The following EPB41L2 variants were observed in gnomAD, a reference collection of about 807,000 sequenced individuals.
EPB41L2 encodes band 4.1-like protein 2.
In EPB41L2, 43 loss-of-function variants were observed where a neutral mutation model predicts 113.0. The observed-to-expected ratio is 0.38, with a 90% CI of 0.30 to 0.49. The LOEUF is 0.49. Ranked by LOEUF, EPB41L2 falls within the 20% of genes least tolerant of loss-of-function variation. EPB41L2 has a pLI of 0.95. For missense variants in EPB41L2, 1,147 were observed against 1,223.4 expected (o/e 0.94, Z 0.93); for synonymous variants, 442 against 436.7 (o/e 1.01, Z -0.15).
At chr6:131,011,086 C>G (rs1362417981) in intron 1 of EPB41L2, among the ~76,000 whole-genome samples, 1 of 152,190 alleles carries the variant, frequency 6.6e-6, no homozygotes, top group African/African-American at 2.4e-5. Context: ...TTCATTCACT[C>G]AAAATTTAGC....
rs913076422 is a variant in EPB41L2, at chr6:130,880,502, A to G, written c.1834-296T>C. The G allele has an allele frequency of 1.2e-5, 8 of 643,354 alleles. No individual in the cohort carries two copies. The African/African-American group carries it at 1.3e-4, about 10-fold the overall frequency. The allele number at this position is 643,354 out of a possible 1,614,324, so 39.9% of individuals were successfully genotyped here. On this transcript the variant is annotated intron_variant, in intron 12 of 19. Coordinates refer to ENST00000337057, the MANE Select transcript of EPB41L2 (RefSeq NM_001431.4). The stretch of plus-strand genomic sequence containing the variant: ...CTTCCATCTTCGCCTGAAAAGTCAC[A>G]CAGCAAACGGCCAGAAAGAAGGGGA...
At chr6:130,857,616 T>C (rs911407339) in intron 19 of EPB41L2, among the ~76,000 whole-genome samples, 13 of 133,004 alleles carry the variant, frequency 9.8e-5, no homozygotes, top group African/African-American at 3.4e-4. Context: ...TAGAGTTCAG[T>C]GGCGCAATGT....
At chr6:130,922,710 C>G (rs545234738) in intron 4 of EPB41L2, among the ~76,000 whole-genome samples, 4 of 152,240 alleles carry the variant, frequency 2.6e-5, no homozygotes, top group Admixed American at 2.0e-4. Context: ...CCAGAATGAT[C>G]AGCTGTTAAC....
intron 1 of EPB41L2, among the ~76,000 whole-genome samples, chr6:130,967,800 GCA>G (rs1049247896): frequency 6.6e-6 from 1 of 152,162 alleles, no homozygotes; most frequent in Admixed American, 6.5e-5. Context: ...CATGTTCCTA[GCA>G]CAGTGTTTGC....
chr6:130,996,514 G>A (rs1783152682), intron 1 of EPB41L2, among the ~76,000 whole-genome samples: 1 of 152,194 alleles, frequency 6.6e-6, no homozygotes, highest in Non-Finnish European at 1.5e-5. Context: ...ACTAGCCTAT[G>A]TCTTTCTGAT....
In EPB41L2 at chr6:131,007,471, G is replaced by T. The variant is rs867924394; in HGVS notation, c.-14-50972C>A. 2.0e-5 allele frequency among the ~76,000 whole-genome samples: 3 copies of T among 152,138 alleles called. No individual in the cohort carries two copies. In the South Asian group the frequency reaches 6.2e-4, roughly 31 times the overall value. ...AATACAGTAAATTGGTACCGGGAGT[G>T]GGGTGCCGCTGTAAAGATAACCGAA... On this transcript the variant is annotated intron_variant, in intron 1 of 19. Transcript: ENST00000337057.
rs143471252 is a variant in EPB41L2 at position 130,936,443 on chromosome 6, T to C, written c.706-9734A>G. 1.1e-4 allele frequency among the ~76,000 whole-genome samples: 16 copies of C among 152,314 alleles called. No homozygotes were observed. The East Asian group carries it at 3.1e-3, about 29-fold the overall frequency. On this transcript the variant is annotated intron_variant, in intron 3 of 19. Coordinates refer to ENST00000337057, the MANE Select transcript of EPB41L2 (RefSeq NM_001431.4). ...AAAATTACAAGATAAAATATACTAT[T>C]TTTAAATCTTGTGGGGTTTTTCTTA... is the stretch of plus-strand genomic sequence containing the variant.
chr6:130,937,067 A>G (rs151202892), intron 3 of EPB41L2, among the ~76,000 whole-genome samples: 1 of 152,288 alleles, frequency 6.6e-6, no homozygotes, highest in African/African-American at 2.4e-5. Context: ...AACCTCCCCC[A>G]TTGGGATAAT....
chr6:130,890,553 T>A (rs1792508560), intron 10 of EPB41L2, 87 bp from the exon 11 acceptor site: 1 of 1,422,970 alleles, frequency 7.0e-7, no homozygotes. Flanking sequence ...ACTTTAAAGC[T>A]ATGTACTTTC....
In EPB41L2 at chr6:131,018,869, G is replaced by A. The variant is rs76607655; in HGVS notation, c.-15+44286C>T. ...ATATTCGTTTATATTAAGTTTCTAGGCTTGTATCCGTTCAAATCAGGTTTA... is the reference window on the plus strand; with the variant it reads ...ATATTCGTTTATATTAAGTTTCTAGACTTGTATCCGTTCAAATCAGGTTTA... On this transcript the variant is annotated intron_variant, in intron 1 of 19. Coordinates refer to ENST00000337057, the MANE Select transcript of EPB41L2 (RefSeq NM_001431.4). Among the ~76,000 whole-genome samples the A allele has an allele frequency of 7.2e-4, 109 of 152,218 alleles. 1 individual carries two copies. In the East Asian group the frequency reaches 0.02, roughly 28 times the overall value.
intron 1 of EPB41L2, among the ~76,000 whole-genome samples, chr6:131,020,472 T>G (rs1307568168): frequency 6.6e-6 from 1 of 152,202 alleles, no homozygotes; most frequent in Non-Finnish European, 1.5e-5. Context: ...CAAGTCTACC[T>G]TTTACATCCT....
At chr6:130,892,936 G>C (rs1583158611) in intron 10 of EPB41L2, among the ~76,000 whole-genome samples, 1 of 152,134 alleles carries the variant, frequency 6.6e-6, no homozygotes, top group East Asian at 1.9e-4. Flanking sequence ...TGGTAGAACA[G>C]TATTAGACCA....
In EPB41L2 at chr6:130,988,058, G is replaced by T. The variant is rs1157811467; in HGVS notation, c.-14-31559C>A. On this transcript the variant is annotated intron_variant, in intron 1 of 19. Coordinates refer to ENST00000337057, the MANE Select transcript of EPB41L2 (RefSeq NM_001431.4). ...TTGCACCCAGGAGGTGGAAGCTGCA[G>T]TGAGCCCTGACTGGGCTACTGCACT... Among the ~76,000 whole-genome samples the T allele has an allele frequency of 2.0e-5, 3 of 152,050 alleles. No homozygotes were observed. In the South Asian group the frequency reaches 6.2e-4, roughly 32 times the overall value.
chr6:131,027,731 T>C (rs79198143), intron 1 of EPB41L2, among the ~76,000 whole-genome samples: 2,421 of 152,274 alleles, frequency 0.016, 63 homozygotes, highest in African/African-American at 0.055. Context: ...TTATTTCACA[T>C]TGCATGCCTA....
intron 1 of EPB41L2, among the ~76,000 whole-genome samples, chr6:131,044,393 C>T (rs528857298): frequency 6.6e-6 from 1 of 152,008 alleles, no homozygotes; most frequent in African/African-American, 2.4e-5. Flanking sequence ...AATGGAAATA[C>T]AGTTAGCATA....
At chr6:131,031,034 A>G (rs2128750575) in intron 1 of EPB41L2, among the ~76,000 whole-genome samples, 1 of 152,226 alleles carries the variant, frequency 6.6e-6, no homozygotes, top group Admixed American at 6.5e-5. Flanking sequence ...TAAGGATGCA[A>G]TGAGCCAAAA....
chr6:130,878,710 A>T (rs1788338694), intron 13 of EPB41L2: 1 of 153,220 alleles, frequency 6.5e-6, no homozygotes, highest in Non-Finnish European at 1.5e-5. Context: ...AAAATAGAGG[A>T]AGGTAGAGAC....
chr6:131,061,117 A>C (rs1798566896), intron 1 of EPB41L2, among the ~76,000 whole-genome samples: 1 of 152,216 alleles, frequency 6.6e-6, no homozygotes, highest in Non-Finnish European at 1.5e-5. Context: ...CTAGTGGTTA[A>C]AGATTAAAGA....
chr6:130,898,192 C>T (rs1795226027), intron 8 of EPB41L2, among the ~76,000 whole-genome samples: 1 of 151,752 alleles, frequency 6.6e-6, no homozygotes, highest in Non-Finnish European at 1.5e-5. Flanking sequence ...CTGTTTGCCT[C>T]TATTTTCTAT....
Sources: gnomAD v4.1 joint callset for allele counts (sites outside exome capture counted in the v4.1 genomes callset) on GRCh38, gnomAD v4.1.1 for gene constraint, MANE v1.5 for transcripts, NCBI Gene and HGNC (gene_info 2026-07-23, HGNC 2026-07-21) for gene names.